KHDRBS2: variants seen among roughly 807,000 people sequenced by gnomAD.
The protein encoded by KHDRBS2 is KH domain-containing, RNA-binding, signal transduction-associated protein 2.
KHDRBS2 carries 26 observed loss-of-function variants against 44.3 expected under a neutral mutation model. The ratio of observed to expected loss-of-function variants is 0.59; its 90% CI spans 0.43 to 0.81. KHDRBS2 has a LOEUF of 0.81. Ranked by LOEUF, KHDRBS2 falls within the 40% of genes least tolerant of loss-of-function variation. The pLI, the probability that KHDRBS2 is intolerant of heterozygous loss-of-function variation, is 0.00. For synonymous variants in KHDRBS2, 194 were observed against 151.1 expected, an observed-to-expected ratio of 1.28 and a Z score of -2.08; for missense variants, 476 against 433.1, an observed-to-expected ratio of 1.10 and a Z score of -0.88.
chr6:61,670,580 TA>T, the KHDRBS2 span, among the ~76,000 whole-genome samples: 9 of 151,644 alleles, frequency 5.9e-5, no homozygotes, highest in Middle Eastern at 3.4e-3. Flanking sequence ...TTTCCCTGTT[TA>T]AAGATATTTA....
chr6:61,643,491 G>A, the KHDRBS2 span, among the ~76,000 whole-genome samples: 2 of 152,092 alleles, frequency 1.3e-5, no homozygotes, highest in African/African-American at 2.4e-5. Context: ...GAAACAAAGG[G>A]CATCCAAATA....
At chr6:61,882,135 C>T (rs1800291282) in intron 6 of KHDRBS2, among the ~76,000 whole-genome samples, 1 of 151,878 alleles carries the variant, frequency 6.6e-6, no homozygotes, top group Non-Finnish European at 1.5e-5. Flanking sequence ...AGGTGTTCTC[C>T]CCCTATACCA....
chr6:61,762,701 A>G (rs1379559981), intron 6 of KHDRBS2, among the ~76,000 whole-genome samples: 1 of 152,138 alleles, frequency 6.6e-6, no homozygotes, highest in African/African-American at 2.4e-5. Flanking sequence ...TTTATAAATA[A>G]CCTTAGCAAC....
chr6:62,063,221 T>G (rs1792507888), intron 2 of KHDRBS2, among the ~76,000 whole-genome samples: 1 of 136,054 alleles, frequency 7.4e-6, no homozygotes, highest in South Asian at 2.4e-4. Context: ...CTGGTACCAT[T>G]CCTTCTGAAA....
At chr6:62,013,097 AAGG>A (rs1780597288) in intron 3 of KHDRBS2, among the ~76,000 whole-genome samples, 1 of 152,188 alleles carries the variant, frequency 6.6e-6, no homozygotes, top group African/African-American at 2.4e-5. Context: ...GCAAAATTAA[AAGG>A]AGGACTTTGA....
intron 3 of KHDRBS2, among the ~76,000 whole-genome samples, chr6:62,037,519 G>T (rs1785539341): frequency 6.6e-6 from 1 of 151,822 alleles, no homozygotes; most frequent in Admixed American, 6.6e-5. Flanking sequence ...AGAGTTTAAT[G>T]ATAGAAATAA....
chr6:62,145,539 ATGTG>A (rs1554435886), intron 2 of KHDRBS2, among the ~76,000 whole-genome samples: 1 of 135,348 alleles, frequency 7.4e-6, no homozygotes, highest in African/African-American at 2.8e-5. Context: ...TCTTGGACCA[ATGTG>A]ATGTTAAAGT....
chr6:62,099,438 G>A (rs558517003), intron 2 of KHDRBS2, among the ~76,000 whole-genome samples: 1 of 152,248 alleles, frequency 6.6e-6, no homozygotes, highest in South Asian at 2.1e-4. Context: ...CTAAGCCTAG[G>A]TTTATCCCAT....
At chr6:62,158,375 G>T (rs1189074300) in intron 2 of KHDRBS2, among the ~76,000 whole-genome samples, 2 of 152,110 alleles carry the variant, frequency 1.3e-5, no homozygotes, top group Non-Finnish European at 2.9e-5. Flanking sequence ...GAAACCTCAT[G>T]GTATGTCATT....
chr6:62,077,774 C>T (rs767520214), intron 2 of KHDRBS2, among the ~76,000 whole-genome samples: 1 of 151,978 alleles, frequency 6.6e-6, no homozygotes, highest in African/African-American at 2.4e-5. Flanking sequence ...CAGCTGGACA[C>T]ATAGTAGTTA....
intron 2 of KHDRBS2, among the ~76,000 whole-genome samples, chr6:62,143,653 A>G (rs1813321447): frequency 6.6e-6 from 1 of 151,388 alleles, no homozygotes; most frequent in Non-Finnish European, 1.5e-5. Context: ...CAACACTCCA[A>G]TCGTAATGGC....
the KHDRBS2 span, among the ~76,000 whole-genome samples, chr6:61,551,381 T>A: frequency 1.3e-5 from 2 of 152,210 alleles, no homozygotes; most frequent in African/African-American, 4.8e-5. Flanking sequence ...TAGGTCCCAT[T>A]TGCCAATTTT....
chr6:62,177,707 C>T (rs568930601), intron 1 of KHDRBS2, among the ~76,000 whole-genome samples: 213 of 151,268 alleles, frequency 1.4e-3, no homozygotes, highest in African/African-American at 4.6e-3. Context: ...AGGATATATG[C>T]TTTATTTTTA....
chr6:61,842,924 A>ATCTGTATAGATTACAGATAGATAAT (rs1562282834), intron 6 of KHDRBS2, among the ~76,000 whole-genome samples: 5 of 150,668 alleles, frequency 3.3e-5, no homozygotes, highest in Non-Finnish European at 7.4e-5. Context: ...ATACAGATAA[A>ATCTGTATAGATTACAGATAGATAAT]CTATCTGTAT....
the KHDRBS2 span, among the ~76,000 whole-genome samples, chr6:61,644,009 CA>C: frequency 2.6e-5 from 4 of 151,968 alleles, no homozygotes; most frequent in Non-Finnish European, 5.9e-5. Flanking sequence ...CAATCATAAG[CA>C]AAAAGAACAA....
chr6:61,573,215 T>A, the KHDRBS2 span, among the ~76,000 whole-genome samples: 1 of 152,102 alleles, frequency 6.6e-6, no homozygotes. Context: ...CAATCCCTTT[T>A]ACAACAGCTG....
At chr6:62,064,226 A>T (rs1792884668) in intron 2 of KHDRBS2, among the ~76,000 whole-genome samples, 1 of 141,986 alleles carries the variant, frequency 7.0e-6, no homozygotes, top group East Asian at 2.1e-4. Context: ...TACAGATTCA[A>T]TGCCATCCCC....
chr6:62,159,640 C>T (rs191723051), intron 2 of KHDRBS2, among the ~76,000 whole-genome samples: 1 of 152,098 alleles, frequency 6.6e-6, no homozygotes, highest in East Asian at 1.9e-4. Flanking sequence ...CTTTTGACTC[C>T]CCTAAAATTT....
the KHDRBS2 span, among the ~76,000 whole-genome samples, chr6:61,628,646 T>A: frequency 6.6e-6 from 1 of 152,160 alleles, no homozygotes; most frequent in Non-Finnish European, 1.5e-5. Flanking sequence ...TTGTACTAAG[T>A]TCCATCTCTG....
Sources: gnomAD v4.1 joint callset for allele counts (sites outside exome capture counted in the v4.1 genomes callset) on GRCh38, gnomAD v4.1.1 for gene constraint, MANE v1.5 for transcripts, NCBI Gene and HGNC (gene_info 2026-07-23, HGNC 2026-07-21) for gene names.